Variants in BTBD8 observed in about 807,000 individuals in gnomAD.
BTBD8 encodes BTB/POZ domain-containing protein 8.
Under a neutral mutation model 162.9 loss-of-function variants are expected in BTBD8, and 110 were observed. The observed-to-expected ratio is 0.68, with a 90% CI of 0.58 to 0.79. The LOEUF (loss-of-function observed/expected upper bound fraction) is 0.79. BTBD8 is among the 30% of genes least tolerant of loss of function. The probability of loss-of-function intolerance (pLI) is 0.00; values close to 1 mark genes in which losing one functional copy is unlikely to be tolerated. For synonymous variants in BTBD8, 667 were observed against 716.1 expected, an observed-to-expected ratio of 0.93 and a Z score of 1.10; for missense variants, 1,905 against 2,085.4, an observed-to-expected ratio of 0.91 and a Z score of 1.68.
At chr1:92,179,263 T>G (rs914555923) in intron 16 of BTBD8, among the ~76,000 whole-genome samples, 1 of 149,574 alleles carries the variant, frequency 6.7e-6, no homozygotes, top group African/African-American at 2.5e-5. Context: ...AAAAAAAAAT[T>G]GATAATGATA....
At chr1:92,164,963 T>A (rs530637989) in intron 9 of BTBD8, among the ~76,000 whole-genome samples, 40 of 151,642 alleles carry the variant, frequency 2.6e-4, no homozygotes, top group African/African-American at 6.5e-4. Context: ...GTACTTTTTT[T>A]AAAAAAAATT....
At chr1:92,097,320 A>G (rs549895638) in intron 2 of BTBD8, among the ~76,000 whole-genome samples, 2 of 152,194 alleles carry the variant, frequency 1.3e-5, no homozygotes, top group South Asian at 4.1e-4. Context: ...TTTTCACATC[A>G]AAGCTCCTCA....
chr1:92,164,321 T>G (rs1054764539), intron 9 of BTBD8, among the ~76,000 whole-genome samples: 1 of 152,038 alleles, frequency 6.6e-6, no homozygotes, highest in Non-Finnish European at 1.5e-5. Flanking sequence ...ACTCCATCCC[T>G]ACAAAATTTT....
intron 3 of BTBD8, among the ~76,000 whole-genome samples, chr1:92,106,412 G>A (rs1264202739): frequency 1.3e-5 from 2 of 151,954 alleles, no homozygotes; most frequent in African/African-American, 4.8e-5. Flanking sequence ...TGTAATCCCA[G>A]CACTTTAGGA....
At chr1:92,119,270 A>C (rs935372691) in intron 4 of BTBD8, among the ~76,000 whole-genome samples, 1 of 150,936 alleles carries the variant, frequency 6.6e-6, no homozygotes, top group African/African-American at 2.4e-5. Flanking sequence ...TAGCTGTACA[A>C]ATTTTTTTCT....
intron 2 of BTBD8, among the ~76,000 whole-genome samples, chr1:92,101,512 A>G (rs1023326453): frequency 1.2e-4 from 18 of 152,144 alleles, no homozygotes; most frequent in Non-Finnish European, 2.5e-4. Context: ...GGACCCGGGG[A>G]ACCTCCACCT....
chr1:92,104,697 A>AT (rs1174310398), intron 3 of BTBD8, among the ~76,000 whole-genome samples: 1 of 152,016 alleles, frequency 6.6e-6, no homozygotes, highest in Non-Finnish European at 1.5e-5. Context: ...CTTAACAGAC[A>AT]TTTTTTTGCC....
intron 9 of BTBD8, among the ~76,000 whole-genome samples, chr1:92,155,710 T>G (rs996525667): frequency 6.6e-6 from 1 of 152,248 alleles, no homozygotes; most frequent in African/African-American, 2.4e-5. Context: ...CTATTGTAAA[T>G]GGGATTGTTT....
At chr1:92,083,065 G>A (rs772497371) in intron 1 of BTBD8, among the ~76,000 whole-genome samples, 1 of 151,894 alleles carries the variant, frequency 6.6e-6, no homozygotes, top group Non-Finnish European at 1.5e-5. Flanking sequence ...GAACCGGGGA[G>A]GTGGAGATTG....
In BTBD8 at chr1:92,184,033, A is replaced by G. The variant is rs61745605; in HGVS notation, c.5082A>G (p.Ala1694=). 8,140 of 1,551,642 alleles carry G rather than the reference A, an allele frequency of 5.2e-3. 37 individuals are homozygous for G. Among genetic ancestry groups the G allele is most frequent in the Non-Finnish European group, 6.0e-3 (6,917 of 1,146,874 alleles). Reference sequence around the variant, plus strand: ...ATTTTGAAGATGACCAACATTTTGCAAAACAAGATTGGACACTACTAAAGC... The same window carrying G: ...ATTTTGAAGATGACCAACATTTTGCGAAACAAGATTGGACACTACTAAAGC... ...DMDFEDDQHF[A]KQDWTLLKQL... The change falls in exon 18 of 18, where the codon GCA becomes GCG. Residue 1694 remains alanine (A), a synonymous_variant. Coordinates refer to ENST00000636805, the MANE Select transcript of BTBD8 (RefSeq NM_001376131.1).
intron 13 of BTBD8, among the ~76,000 whole-genome samples, chr1:92,174,018 G>C (rs968511624): frequency 6.6e-6 from 1 of 152,074 alleles, no homozygotes; most frequent in Non-Finnish European, 1.5e-5. Flanking sequence ...AGAATGCTTA[G>C]TACCAAAATA....
chr1:92,163,920 GCTA>G (rs1650325826), intron 9 of BTBD8, among the ~76,000 whole-genome samples: 1 of 152,074 alleles, frequency 6.6e-6, no homozygotes, highest in Non-Finnish European at 1.5e-5. Context: ...TTAAAAAAAT[GCTA>G]CTGTCAGAGC....
At chr1:92,100,600 C>CATT (rs771639431) in intron 2 of BTBD8, among the ~76,000 whole-genome samples, 74 of 151,026 alleles carry the variant, frequency 4.9e-4, no homozygotes, top group Middle Eastern at 3.4e-3. Flanking sequence ...ACTTTTTTGG[C>CATT]ATTATTATTA....
Position 92,080,817 on chromosome 1 carries a change from A to AG in BTBD8, c.149+98dup, listed in dbSNP as rs1214247182. The AG allele has an allele frequency of 4.0e-6, 6 of 1,510,792 alleles. No homozygotes were observed. In the African/African-American group the frequency reaches 7.1e-5, roughly 18 times the overall value. The allele number at this position is 1,510,792 out of a possible 1,614,324, so 93.6% of individuals were successfully genotyped here. A position where few individuals can be genotyped will look rare whatever the true frequency, so the allele number is the denominator to read the frequency against. ...TTTCGGCTCTGCCTCCCCCTCCCTCAGCACTTGGTTCTCCTCGCCTCAGGC... is the reference window on the plus strand; with the variant it reads ...TTTCGGCTCTGCCTCCCCCTCCCTCAGGCACTTGGTTCTCCTCGCCTCAGGC... On this transcript the variant is annotated intron_variant, in intron 1 of 17. Coordinates refer to ENST00000636805, the MANE Select transcript of BTBD8 (RefSeq NM_001376131.1).
intron 2 of BTBD8, among the ~76,000 whole-genome samples, chr1:92,100,380 A>C (rs1377091868): frequency 6.6e-6 from 1 of 152,058 alleles, no homozygotes; most frequent in African/African-American, 2.4e-5. Flanking sequence ...TTTTTGGAAA[A>C]ATTTGTGAAG....
intron 3 of BTBD8, among the ~76,000 whole-genome samples, chr1:92,103,217 G>A (rs552009421): frequency 4.6e-5 from 7 of 152,182 alleles, no homozygotes; most frequent in Admixed American, 2.0e-4. Context: ...GTGTTAGAGC[G>A]GAATTGATTA....
chr1:92,093,769 G>A (rs184480055), intron 2 of BTBD8, among the ~76,000 whole-genome samples: 1 of 152,168 alleles, frequency 6.6e-6, no homozygotes, highest in African/African-American at 2.4e-5. Context: ...CTTCAGATAT[G>A]GCTCAAATGA....
intron 1 of BTBD8, among the ~76,000 whole-genome samples, chr1:92,085,884 T>A (rs1186786992): frequency 6.6e-6 from 1 of 152,100 alleles, no homozygotes; most frequent in Admixed American, 6.5e-5. Context: ...GTCAAAGGAA[T>A]GAGACGACAT....
At chr1:92,115,825 T>C (rs1164839453) in intron 4 of BTBD8, 2 of 185,786 alleles carry the variant, frequency 1.1e-5, no homozygotes, top group African/African-American at 4.7e-5. Context: ...GGGACATGAC[T>C]GGTGCTGCCC....
Sources: gnomAD v4.1 joint callset for allele counts (sites outside exome capture counted in the v4.1 genomes callset) on GRCh38, gnomAD v4.1.1 for gene constraint, MANE v1.5 for transcripts, NCBI Gene and HGNC (gene_info 2026-07-23, HGNC 2026-07-21) for gene names.